TRAK1: variants seen among roughly 807,000 people sequenced by gnomAD.
The protein encoded by TRAK1 is trafficking kinesin-binding protein 1.
A neutral mutation model predicts 92.1 loss-of-function variants in TRAK1; 33 were observed. The observed-to-expected ratio is 0.36, with a 90% CI of 0.27 to 0.48. The LOEUF (loss-of-function observed/expected upper bound fraction) is 0.48, where lower values mean the gene tolerates loss of function less well. Ranked by LOEUF, TRAK1 falls within the 20% of genes least tolerant of loss-of-function variation. The pLI, the probability that TRAK1 is intolerant of heterozygous loss-of-function variation, is 0.99. For synonymous variants in TRAK1, 521 were observed against 517.3 expected, an observed-to-expected ratio of 1.01 and a Z score of -0.10; for missense variants, 1,123 against 1,257.9, an observed-to-expected ratio of 0.89 and a Z score of 1.62.
intron 2 of TRAK1, among the ~76,000 whole-genome samples, chr3:42,129,421 C>T (rs1374957298): frequency 6.6e-6 from 1 of 152,152 alleles, no homozygotes; most frequent in African/African-American, 2.4e-5. Context: ...CCCCTTCCTG[C>T]ACATCCTCCC....
chr3:42,148,365 G>A (rs1260642562), intron 2 of TRAK1, among the ~76,000 whole-genome samples: 1 of 152,144 alleles, frequency 6.6e-6, no homozygotes, highest in Non-Finnish European at 1.5e-5. Context: ...CCCTGCTTTA[G>A]GGAATGAAAT....
At chr3:42,013,640 C>T (rs1701394313), upstream of TRAK1, among the ~76,000 whole-genome samples, 1 of 148,588 alleles carries the variant, frequency 6.7e-6, no homozygotes, top group South Asian at 2.1e-4. This position sits in a 1 kb window ranked among gnomAD's most constrained non-coding sequence, Gnocchi z 5.1. Flanking sequence ...GTGCAAGCCG[C>T]CCGCTCGCGG....
At chr3:42,125,677 C>T (rs1179515174) in intron 2 of TRAK1, 63 bp downstream of exon 2, 11 of 1,560,592 alleles carry the variant, frequency 7.0e-6, no homozygotes, top group Non-Finnish European at 9.6e-6. Flanking sequence ...TAGCCATGGC[C>T]CCAAATAAGA....
intron 1 of TRAK1, among the ~76,000 whole-genome samples, chr3:42,108,302 C>G (rs1707865824): frequency 6.6e-6 from 1 of 151,854 alleles, no homozygotes; most frequent in Non-Finnish European, 1.5e-5. Flanking sequence ...CCAGCCTGGG[C>G]AACATGGGGA....
intron 3 of TRAK1, among the ~76,000 whole-genome samples, chr3:42,183,700 C>T (rs1353088565): frequency 6.6e-6 from 1 of 152,054 alleles, no homozygotes; most frequent in Non-Finnish European, 1.5e-5. Flanking sequence ...TTTTTCCTAC[C>T]CCAAACGACA....
In TRAK1 at chr3:42,160,227, T is replaced by A; in HGVS notation, c.287-16587T>A. 2.7e-6 allele frequency: 4 copies of A among 1,468,798 alleles called. No individual in the cohort carries two copies. In the South Asian group the frequency reaches 5.8e-5, roughly 21 times the overall value. 91.0% of individuals were successfully genotyped at this position (1,468,798 alleles called of 1,614,324 possible). On this transcript the variant is annotated intron_variant, in intron 2 of 15. Transcript: ENST00000327628. ...CCTCCACTTCAGCTGAGCCAGGGCA[T>A]GTCTGCGGCCCAGGCCAGGGCGCAG...
Position 42,223,293 on chromosome 3 carries a change from C to T in TRAK1, c.2418C>T (p.Tyr806=), listed in dbSNP as rs772671598. ...SFEFKCTSPP[Y]DNFLASKPAS... ...AGTTCAAGTGCACGAGCCCTCCCTA[C>T]GACAATTTCCTGGCTTCCAAGCCAG... Residue 806 remains tyrosine, a synonymous_variant, in exon 16 of 16, where the codon TAC becomes TAT. Coordinates refer to ENST00000327628, the MANE Select transcript of TRAK1 (RefSeq NM_001042646.3). The surrounding 1 kb of genome is among the most constrained non-coding windows in gnomAD (Gnocchi z 6.1). 1.4e-5 allele frequency: 22 copies of T among 1,614,206 alleles called. No individual in the cohort carries two copies. The highest frequency in any genetic ancestry group is 3.3e-5 in the South Asian group (3 of 91,070).
At chr3:42,176,928 ATTGACTGGTTT>A in intron 3 of TRAK1, 38 bp downstream of exon 3, 6 of 1,581,714 alleles carry the variant, frequency 3.8e-6, no homozygotes, top group Non-Finnish European at 5.2e-6. Context: ...GTTGTTTATA[ATTGACTGGTTT>A]TCATGGATAC....
rs79571099 is a variant in TRAK1, at chr3:42,168,275, C to T, written c.287-8539C>T. ...AAACAATTTTGCTATGTGATAACAT[C>T]ATTGTGGACCCAAGGAAGTCCAAGT... On this transcript the variant is annotated intron_variant, in intron 2 of 15. Coordinates refer to ENST00000327628, the MANE Select transcript of TRAK1 (RefSeq NM_001042646.3). Among the ~76,000 whole-genome samples the T allele has an allele frequency of 6.6e-3, 1,003 of 152,278 alleles. 6 individuals carry two copies. The highest frequency in any genetic ancestry group is 0.021 in the African/African-American group (878 of 41,558).
At chr3:42,127,232 T>G (rs1248999526) in intron 2 of TRAK1, among the ~76,000 whole-genome samples, 3 of 152,202 alleles carry the variant, frequency 2.0e-5, no homozygotes, top group African/African-American at 4.8e-5. Flanking sequence ...AACAGAATTA[T>G]TTTTTGGGAA....
intron 1 of TRAK1, among the ~76,000 whole-genome samples, chr3:42,104,236 G>A (rs192251874): frequency 1.3e-4 from 20 of 152,308 alleles, no homozygotes; most frequent in African/African-American, 4.6e-4. Context: ...GGGAGGCAGG[G>A]CATAGCTGAA....
At chr3:42,170,976 A>G (rs533051513) in intron 2 of TRAK1, among the ~76,000 whole-genome samples, 1 of 151,918 alleles carries the variant, frequency 6.6e-6, no homozygotes, top group Non-Finnish European at 1.5e-5. Flanking sequence ...GGTGCCTGCC[A>G]CCACACCCTG....
intron 1 of TRAK1, among the ~76,000 whole-genome samples, chr3:42,033,783 C>T (rs938887544): frequency 6.6e-6 from 1 of 152,158 alleles, no homozygotes; most frequent in African/African-American, 2.4e-5. Flanking sequence ...GATCTCCATT[C>T]CTTTGGGACA....
intron 2 of TRAK1, among the ~76,000 whole-genome samples, chr3:42,171,121 A>G (rs1054153024): frequency 2.6e-5 from 4 of 151,904 alleles, no homozygotes; most frequent in Non-Finnish European, 5.9e-5. Flanking sequence ...GGCCCTGAAT[A>G]TCTTTTCTAC....
Position 42,223,813 on chromosome 3 carries a change from C to CA in TRAK1, c.*77dup, listed in dbSNP as rs1710591301. ...TGCTCCCACCTCCCTCTCTTCCCCC[C>CA]ACAGTGCACTCCCTCCCTCTGCCCT... is the stretch of plus-strand genomic sequence containing the variant. On this transcript the variant is annotated 3_prime_UTR_variant, in exon 16 of 16. Transcript: ENST00000327628. This position sits in a 1 kb window ranked among gnomAD's most constrained non-coding sequence, Gnocchi z 6.1. 6.8e-7 allele frequency: 1 copy of CA among 1,480,520 alleles called. No individual in the cohort carries two copies. Among genetic ancestry groups the CA allele is most frequent in the Non-Finnish European group, 9.2e-7 (1 of 1,085,104 alleles). The allele number at this position is 1,480,520 out of a possible 1,614,324, so 91.7% of individuals were successfully genotyped here.
At chr3:42,149,379 G>A (rs1231370808) in intron 2 of TRAK1, 3 of 1,439,694 alleles carry the variant, frequency 2.1e-6, no homozygotes, top group Non-Finnish European at 1.8e-6. Flanking sequence ...TTACTGTTTT[G>A]GCTCCAGACT....
intron 2 of TRAK1, among the ~76,000 whole-genome samples, chr3:42,138,948 ACATC>A (rs1698329943): frequency 6.9e-6 from 1 of 145,128 alleles, no homozygotes; most frequent in Admixed American, 7.0e-5. Context: ...ACCTCTTGGA[ACATC>A]AAAGAGTCTG....
At chr3:42,084,776 G>C (rs1704594677), upstream of TRAK1, among the ~76,000 whole-genome samples, 2 of 151,522 alleles carry the variant, frequency 1.3e-5, no homozygotes, top group African/African-American at 4.8e-5. Flanking sequence ...TTGAGTCACT[G>C]ACTAGGCGTG....
At chr3:42,107,455 T>C (rs1392119886) in intron 1 of TRAK1, among the ~76,000 whole-genome samples, 1 of 150,354 alleles carries the variant, frequency 6.7e-6, no homozygotes. Context: ...GAGGTTGCAG[T>C]GAGCCAAGAT....
Sources: allele counts gnomAD v4.1 joint callset (sites outside exome capture counted in the v4.1 genomes callset), GRCh38; gene constraint gnomAD v4.1.1; non-coding constraint Gnocchi (gnomAD v3.1); transcripts MANE v1.5; gene names NCBI Gene and HGNC (gene_info 2026-07-23, HGNC 2026-07-21).